The following TBC1D1 variants were observed in gnomAD, a reference collection of about 807,000 sequenced individuals.
TBC1D1 encodes TBC1 domain family member 1, also known as TBC1 (tre-2/USP6, BUB2, cdc16) domain family, member 1.
TBC1D1 carries 89 observed loss-of-function variants against 125.6 expected under a neutral mutation model. The observed-to-expected ratio is 0.71, with a 90% CI of 0.60 to 0.85. The LOEUF (loss-of-function observed/expected upper bound fraction) is 0.85, where lower values mean the gene tolerates loss of function less well. TBC1D1 is among the 40% of genes least tolerant of loss of function. The pLI, the probability that TBC1D1 is intolerant of heterozygous loss-of-function variation, is 0.00. For synonymous variants in TBC1D1, 565 were observed against 564.1 expected (o/e 1.00, Z -0.02); for missense variants, 1,377 against 1,469.2 (o/e 0.94, Z 1.03).
At chr4:38,027,284 G>C (rs1745251475) in intron 6 of TBC1D1, among the ~76,000 whole-genome samples, 1 of 152,178 alleles carries the variant, frequency 6.6e-6, no homozygotes, top group South Asian at 2.1e-4. Context: ...TAGCACATCA[G>C]AGCTCAGAAG....
Position 37,995,864 on chromosome 4 carries a change from C to T in TBC1D1, c.418-18645C>T. The T allele has an allele frequency of 3.5e-6, 2 of 578,414 alleles. No individual in the cohort carries two copies. Among genetic ancestry groups the T allele is most frequent in the South Asian group, 2.8e-5 (2 of 72,642 alleles). 35.8% of individuals were successfully genotyped at this position (578,414 alleles called of 1,614,324 possible). A position where few individuals can be genotyped will look rare whatever the true frequency, so the allele number is the denominator to read the frequency against. ...TCCATGTGATCACCAGAATGCATTT[C>T]TCTTTGAGAATCCAGACTTCTGGCT... On this transcript the variant is annotated intron_variant, in intron 2 of 19. Coordinates refer to ENST00000261439, the MANE Select transcript of TBC1D1 (RefSeq NM_015173.4). The surrounding 1 kb of genome is among the most constrained non-coding windows in gnomAD (Gnocchi z 4.3).
At chr4:37,963,760 A>T (rs1336205804) in intron 2 of TBC1D1, among the ~76,000 whole-genome samples, 1 of 152,228 alleles carries the variant, frequency 6.6e-6, no homozygotes, top group African/African-American at 2.4e-5. Flanking sequence ...TAAATGTTTT[A>T]AAAACATTTA....
At chr4:37,967,295 G>C (rs374829677) in intron 2 of TBC1D1, among the ~76,000 whole-genome samples, 4 of 152,264 alleles carry the variant, frequency 2.6e-5, no homozygotes, top group African/African-American at 7.2e-5. Context: ...AGGAGTTCAA[G>C]ACCAGCCTGG....
chr4:38,138,709 A>G lies in TBC1D1; in HGVS notation c.*1374A>G, dbSNP rs1766993960. The G allele has an allele frequency of 6.5e-6, 1 of 152,674 alleles. No individual in the cohort carries two copies. The highest frequency in any genetic ancestry group is 1.9e-4 in the East Asian group (1 of 5,204). 9.5% of individuals were successfully genotyped at this position (152,674 alleles called of 1,614,324 possible). On this transcript the variant is annotated 3_prime_UTR_variant, in exon 20 of 20. Coordinates refer to ENST00000261439, the MANE Select transcript of TBC1D1 (RefSeq NM_015173.4). The stretch of plus-strand genomic sequence containing the variant: ...AGTCACAGGTCACTTCCTTGACAAC[A>G]CAATCATTTCTGATCTTTATCACTG...
intron 2 of TBC1D1, among the ~76,000 whole-genome samples, chr4:37,982,966 A>C (rs914790328): frequency 6.6e-6 from 1 of 152,074 alleles, no homozygotes; most frequent in Non-Finnish European, 1.5e-5. Flanking sequence ...GTGGAGCTGC[A>C]CTCACAGGAG....
intron 18 of TBC1D1, 28 bp from the exon 21 acceptor site, chr4:38,133,056 T>C: frequency 6.3e-7 from 1 of 1,595,596 alleles, no homozygotes; most frequent in Non-Finnish European, 8.5e-7. Context: ...TCAGTTTTAG[T>C]ACGTGATGAC....
chr4:37,990,319 G>GTT (rs200009632), intron 2 of TBC1D1, among the ~76,000 whole-genome samples: 44 of 148,478 alleles, frequency 3.0e-4, no homozygotes, highest in African/African-American at 3.4e-4. Context: ...AAAACATTGA[G>GTT]TTTTTTTTTT....
At chr4:37,921,447 G>A (rs889068533) in intron 2 of TBC1D1, among the ~76,000 whole-genome samples, 6 of 150,076 alleles carry the variant, frequency 4.0e-5, no homozygotes, top group African/African-American at 1.2e-4. Flanking sequence ...TCCCTCTGTC[G>A]CCAAGCTGGA....
intron 2 of TBC1D1, among the ~76,000 whole-genome samples, chr4:37,938,939 G>T (rs1008267272): frequency 3.3e-5 from 5 of 152,186 alleles, no homozygotes; most frequent in African/African-American, 1.2e-4. Flanking sequence ...TGGACATCTG[G>T]GTTGGTTCCA....
chr4:38,041,382 C>T (rs1201326882), intron 8 of TBC1D1, among the ~76,000 whole-genome samples: 1 of 152,136 alleles, frequency 6.6e-6, no homozygotes, highest in African/African-American at 2.4e-5. Context: ...TTGTACCATT[C>T]AGGGAAGAGA....
Position 38,137,752 on chromosome 4 carries a change from T to G in TBC1D1, c.*417T>G, listed in dbSNP as rs2152654151. Reference sequence around the variant, plus strand: ...GGTCCATCGTTCTTCCGAGAGGGTTTGTGTGGCGACTACACCCTCAGCGTC... The same window carrying G: ...GGTCCATCGTTCTTCCGAGAGGGTTGGTGTGGCGACTACACCCTCAGCGTC... On this transcript the variant is annotated 3_prime_UTR_variant, in exon 20 of 20. Coordinates refer to ENST00000261439, the MANE Select transcript of TBC1D1 (RefSeq NM_015173.4). 6.2e-6 allele frequency: 1 copy of G among 160,048 alleles called. No homozygotes were observed. The highest frequency in any genetic ancestry group is 2.9e-3 in the Middle Eastern group (1 of 340). 9.9% of individuals were successfully genotyped at this position (160,048 alleles called of 1,614,324 possible).
chr4:38,011,957 C>T (rs1741601066), intron 2 of TBC1D1, among the ~76,000 whole-genome samples: 1 of 152,184 alleles, frequency 6.6e-6, no homozygotes, highest in African/African-American at 2.4e-5. Flanking sequence ...CATGTGACTT[C>T]ACACATTTTC....
At chr4:38,111,898 A>G in intron 15 of TBC1D1, 1 of 984,698 alleles carries the variant, frequency 1.0e-6, no homozygotes, top group Non-Finnish European at 1.2e-6. Context: ...AAGGCCAGAG[A>G]CTCACAGCTG....
chr4:38,104,434 T>G (rs1760913797), intron 15 of TBC1D1, among the ~76,000 whole-genome samples: 1 of 152,190 alleles, frequency 6.6e-6, no homozygotes, highest in Non-Finnish European at 1.5e-5. Flanking sequence ...GGCAATGCAC[T>G]CCCGTTTGCC....
At chr4:37,921,989 G>A (rs1721101631) in intron 2 of TBC1D1, among the ~76,000 whole-genome samples, 1 of 151,816 alleles carries the variant, frequency 6.6e-6, no homozygotes, top group South Asian at 2.1e-4. Flanking sequence ...CTCCCACCTT[G>A]GCTTATTTAA....
rs980711705 is a variant in TBC1D1, at chr4:38,096,060, A to G, written c.2368A>G (p.Met790Val). ...AGGAAGATCAAAAATTAAGTTTGAC[A>G]TGGAAAAAATGCACTCGGCTGTTGG... Residue 790 changes from methionine to valine, a missense_variant, in exon 14 of 20, where the codon ATG becomes GTG. By Grantham distance (21) the Met-to-Val change is conservative. Around this residue, in one of 3 missense-constraint regions of TBC1D1, gnomAD observed 543 missense variants for 613.5 expected, o/e 0.89. Coordinates refer to ENST00000261439, the MANE Select transcript of TBC1D1 (RefSeq NM_015173.4). The G allele has an allele frequency of 5.0e-6, 8 of 1,613,770 alleles. No individual in the cohort carries two copies. The highest frequency in any genetic ancestry group is 2.2e-5 in the South Asian group (2 of 91,018).
At chr4:38,046,725 T>G (rs1482015426) in intron 10 of TBC1D1, among the ~76,000 whole-genome samples, 1 of 152,244 alleles carries the variant, frequency 6.6e-6, no homozygotes, top group African/African-American at 2.4e-5. Context: ...CTGTTTTATT[T>G]AAATAAGCAA....
chr4:38,124,110 A>T (rs989237512), intron 17 of TBC1D1, among the ~76,000 whole-genome samples: 14 of 152,238 alleles, frequency 9.2e-5, no homozygotes, highest in African/African-American at 3.4e-4. Flanking sequence ...TCTGATTTTT[A>T]AAATTGTTTT....
chr4:37,892,944 T>C (rs1713677961), intron 1 of TBC1D1, among the ~76,000 whole-genome samples: 1 of 152,174 alleles, frequency 6.6e-6, no homozygotes, highest in Admixed American at 6.6e-5. Context: ...GCAATGACAA[T>C]GAGATGTACC....
Sources: gnomAD v4.1 joint callset for allele counts (sites outside exome capture counted in the v4.1 genomes callset) on GRCh38, gnomAD v4.1.1 for gene constraint, gnomAD v4.1.1 regional missense constraint, Gnocchi (gnomAD v3.1) non-coding constraint, MANE v1.5 for transcripts, NCBI Gene and HGNC (gene_info 2026-07-23, HGNC 2026-07-21) for gene names.